KBTBD2: variants seen among roughly 807,000 people sequenced by gnomAD.
KBTBD2 encodes kelch repeat and BTB domain-containing protein 2.
In KBTBD2, 17 loss-of-function variants were observed where a neutral mutation model predicts 57.1. That is an observed-to-expected ratio of 0.30 (90% confidence interval 0.20 to 0.45). The LOEUF is 0.45. Ranked by LOEUF, KBTBD2 falls within the 20% of genes least tolerant of loss-of-function variation. The pLI is 1.00. For synonymous variants in KBTBD2, 267 were observed against 262.7 expected (o/e 1.02, Z -0.16); for missense variants, 515 against 750.6 (o/e 0.69, Z 3.67).
At chr7:32,889,254 G>A (rs1269308976) in intron 1 of KBTBD2, among the ~76,000 whole-genome samples, 4 of 150,962 alleles carry the variant, frequency 2.6e-5, no homozygotes, top group Non-Finnish European at 4.4e-5. Flanking sequence ...TCGCGCCACC[G>A]CACTCCAGCC....
chr7:32,889,921 T>C (rs1784687168), intron 1 of KBTBD2, among the ~76,000 whole-genome samples: 1 of 152,238 alleles, frequency 6.6e-6, no homozygotes, highest in African/African-American at 2.4e-5. Flanking sequence ...TGTTTAGGAA[T>C]GAAAAGCTCA....
At chr7:32,879,234 T>A (rs1447111082) in intron 2 of KBTBD2, among the ~76,000 whole-genome samples, 1 of 152,210 alleles carries the variant, frequency 6.6e-6, no homozygotes, top group Non-Finnish European at 1.5e-5. Flanking sequence ...CTTAGTTAAT[T>A]GCAACACATT....
chr7:32,878,558 C>T (rs1784372429), intron 2 of KBTBD2, among the ~76,000 whole-genome samples: 1 of 148,688 alleles, frequency 6.7e-6, no homozygotes, highest in Non-Finnish European at 1.5e-5. Flanking sequence ...GCACTCCAGC[C>T]TGGACAACAG....
intron 2 of KBTBD2, among the ~76,000 whole-genome samples, chr7:32,878,327 T>G (rs1784364075): frequency 6.6e-6 from 1 of 152,030 alleles, no homozygotes; most frequent in African/African-American, 2.4e-5. Context: ...ACGCCTGTAA[T>G]CCCAGCACTT....
At position 32,870,547 on chromosome 7, in the gene KBTBD2, C is replaced by T; in HGVS notation, c.670G>A (p.Ala224Thr). 1.9e-6 allele frequency: 3 copies of T among 1,614,124 alleles called. No individual in the cohort carries two copies. The highest frequency in any genetic ancestry group is 2.2e-5 in the East Asian group (1 of 44,882). The change falls in exon 4 of 4, where the codon GCA (alanine) becomes ACA (threonine). Residue 224 changes from alanine (A) to threonine (T), a missense_variant. Physicochemically the swap from Ala to Thr is moderately conservative, Grantham distance 58. Coordinates refer to ENST00000304056, the MANE Select transcript of KBTBD2 (RefSeq NM_015483.3). ...GCTCTCTGTGTTACTTCTGAAAGTG[C>T]ATCAATTCTGATTTGGCTAAGAACA... ...SSVLSQIRIDALSEVTQRAWF... is the reference protein window; with the variant it reads ...SSVLSQIRIDTLSEVTQRAWF...
Position 32,879,673 on chromosome 7 carries a change from A to T in KBTBD2, c.-69T>A. ...CGTCTTACTGATGGAAGGTCAAGTGAATACTTCAGAAATAAAGGAGAACCT... is the reference window on the plus strand; with the variant it reads ...CGTCTTACTGATGGAAGGTCAAGTGTATACTTCAGAAATAAAGGAGAACCT... On this transcript the variant is annotated 5_prime_UTR_variant, in exon 2 of 4. Coordinates refer to ENST00000304056, the MANE Select transcript of KBTBD2 (RefSeq NM_015483.3). The T allele has an allele frequency of 7.8e-7, 1 of 1,278,366 alleles. No individual in the cohort carries two copies. Among genetic ancestry groups the T allele is most frequent in the Non-Finnish European group, 1.1e-6 (1 of 898,596 alleles). 79.2% of individuals were successfully genotyped at this position (1,278,366 alleles called of 1,614,324 possible). A position where few individuals can be genotyped will look rare whatever the true frequency, so the allele number is the denominator to read the frequency against.
intron 3 of KBTBD2, 42 bp from the exon 4 acceptor site, chr7:32,870,922 G>A (rs902518587): frequency 8.2e-7 from 1 of 1,220,786 alleles, no homozygotes; most frequent in Non-Finnish European, 1.1e-6. Context: ...ATAGGGCCAG[G>A]ACAGACACAT....
rs1424392698 is a variant in KBTBD2, at chr7:32,868,260, T to C, written c.*1085A>G. On this transcript the variant is annotated 3_prime_UTR_variant, in exon 4 of 4. Coordinates refer to ENST00000304056, the MANE Select transcript of KBTBD2 (RefSeq NM_015483.3). ...CAGTTGAACATGCTAGTAATGTTTG[T>C]CATGAAGCACCTGTGCTCATGTTAG... is the stretch of plus-strand genomic sequence containing the variant. 2.0e-5 allele frequency: 3 copies of C among 152,612 alleles called. No individual in the cohort carries two copies. The highest frequency in any genetic ancestry group is 2.4e-5 in the African/African-American group (1 of 41,444). The allele number at this position is 152,612 out of a possible 1,614,324, so 9.5% of individuals were successfully genotyped here. A position where few individuals can be genotyped will look rare whatever the true frequency, so the allele number is the denominator to read the frequency against.
chr7:32,889,085 G>A (rs1255543391), intron 1 of KBTBD2, among the ~76,000 whole-genome samples: 4 of 151,968 alleles, frequency 2.6e-5, no homozygotes, highest in Non-Finnish European at 5.9e-5. Context: ...AGGCCGAGGC[G>A]GGCAGATCAC....
At chr7:32,888,358 T>G (rs570281445) in intron 1 of KBTBD2, among the ~76,000 whole-genome samples, 1 of 152,204 alleles carries the variant, frequency 6.6e-6, no homozygotes, top group Non-Finnish European at 1.5e-5. Context: ...AAAACAAGCC[T>G]TTCTTTATTT....
At chr7:32,882,723 C>T (rs2127954735) in intron 1 of KBTBD2, among the ~76,000 whole-genome samples, 1 of 152,322 alleles carries the variant, frequency 6.6e-6, no homozygotes, top group South Asian at 2.1e-4. Flanking sequence ...GTGGCTCATG[C>T]CTGGAATCCC....
At position 32,870,204 on chromosome 7, in the gene KBTBD2, C is replaced by T. The variant is rs200110128; in HGVS notation, c.1013G>A (p.Ser338Asn). ...AGTTCTGAAGGCAGTCTGAAGTTTGCTTGTTTTACTGTGATTTGTTTTTGT... is the reference window on the plus strand; with the variant it reads ...AGTTCTGAAGGCAGTCTGAAGTTTGTTTGTTTTACTGTGATTTGTTTTTGT... ...KNTKTNHSKT[S>N]KLQTAFRTVN... Residue 338 changes from serine (S) to asparagine (N), a missense_variant, in exon 4 of 4, where the codon AGC becomes AAC. Ser to Asn is a conservative substitution (Grantham distance 46). Transcript: ENST00000304056. 1 of 1,614,126 alleles carries T rather than the reference C, an allele frequency of 6.2e-7. No individual in the cohort carries two copies. The highest frequency in any genetic ancestry group is 2.2e-5 in the East Asian group (1 of 44,876).
intron 1 of KBTBD2, among the ~76,000 whole-genome samples, chr7:32,889,290 C>T (rs1350422232): frequency 7.0e-6 from 1 of 143,848 alleles, no homozygotes; most frequent in Non-Finnish European, 1.5e-5. Flanking sequence ...GACTCCGTCT[C>T]TTAAAAAAAA....
At chr7:32,870,995 G>A in intron 3 of KBTBD2, 115 bp from the exon 4 acceptor site, 1 of 626,970 alleles carries the variant, frequency 1.6e-6, no homozygotes, top group Admixed American at 3.3e-5. Context: ...TTTATTTTCA[G>A]ATACACACAT....
At chr7:32,881,487 A>T (rs1484303634) in intron 1 of KBTBD2, among the ~76,000 whole-genome samples, 1 of 151,796 alleles carries the variant, frequency 6.6e-6, no homozygotes, top group Non-Finnish European at 1.5e-5. Flanking sequence ...TTCCTCACAA[A>T]ATACCATCCA....
intron 1 of KBTBD2, among the ~76,000 whole-genome samples, chr7:32,886,008 A>G (rs1784572692): frequency 6.6e-6 from 1 of 151,320 alleles, no homozygotes; most frequent in African/African-American, 2.4e-5. Context: ...ACCCGGGTTC[A>G]AGCAATTCTC....
At position 32,876,199 on chromosome 7, in the gene KBTBD2, G is replaced by A. The variant is rs116302660; in HGVS notation, c.171-1042C>T. 7.5e-3 allele frequency among the ~76,000 whole-genome samples: 1,146 copies of A among 152,278 alleles called. 18 individuals are homozygous for A. Among genetic ancestry groups the A allele is most frequent in the African/African-American group, 0.026 (1,090 of 41,548 alleles). ...ATATATAGGTAAGAGAGGAAAATAG[G>A]AGAGAAAAGCTTCTGCATGTAGCGG... On this transcript the variant is annotated intron_variant, in intron 2 of 3. Coordinates refer to ENST00000304056, the MANE Select transcript of KBTBD2 (RefSeq NM_015483.3).
intron 3 of KBTBD2, among the ~76,000 whole-genome samples, chr7:32,872,038 G>A (rs1302533413): frequency 6.6e-6 from 1 of 152,086 alleles, no homozygotes; most frequent in African/African-American, 2.4e-5. Flanking sequence ...TTTAAAAGAA[G>A]GACCAACAAA....
At position 32,873,217 on chromosome 7, in the gene KBTBD2, A is replaced by G. The variant is rs534614214; in HGVS notation, c.336+1775T>C. 2.5e-4 allele frequency among the ~76,000 whole-genome samples: 38 copies of G among 152,296 alleles called. No homozygotes were observed. In the South Asian group the frequency reaches 2.9e-3, roughly 12 times the overall value. On this transcript the variant is annotated intron_variant, in intron 3 of 3. Transcript: ENST00000304056. ...GAACATGATGGGGAAATAAAGAGTA[A>G]AACAGTTTGTCATACATAAATATAT...
Sources: gnomAD v4.1 joint callset for allele counts (sites outside exome capture counted in the v4.1 genomes callset) on GRCh38, gnomAD v4.1.1 for gene constraint, MANE v1.5 for transcripts, NCBI Gene and HGNC (gene_info 2026-07-23, HGNC 2026-07-21) for gene names.